The following NUP37 variants were observed in gnomAD, a reference collection of about 807,000 sequenced individuals.
NUP37 encodes the protein nucleoporin Nup37.
A neutral mutation model predicts 45.4 loss-of-function variants in NUP37; 33 were observed. That is an observed-to-expected ratio of 0.73 (90% confidence interval 0.55 to 0.97). The LOEUF is 0.97. Among genes scored for constraint, NUP37 ranks in the 50% least tolerant of loss-of-function variants. The pLI, the probability that NUP37 is intolerant of heterozygous loss-of-function variation, is 0.00. For missense variants in NUP37, 365 were observed against 389.7 expected, an observed-to-expected ratio of 0.94 and a Z score of 0.53; for synonymous variants, 127 against 130.7, an observed-to-expected ratio of 0.97 and a Z score of 0.19.
intron 2 of NUP37, among the ~76,000 whole-genome samples, chr12:102,116,803 C>A (rs1457014121): frequency 6.6e-6 from 1 of 151,594 alleles, no homozygotes; most frequent in African/African-American, 2.4e-5. Context: ...AGTTCAAGAC[C>A]AGCCTGACCA....
intron 5 of NUP37, among the ~76,000 whole-genome samples, chr12:102,091,048 C>A (rs1042347047): frequency 6.6e-6 from 1 of 151,984 alleles, no homozygotes; most frequent in Non-Finnish European, 1.5e-5. Flanking sequence ...CAGTTATAAC[C>A]ACAGAAGCAC....
chr12:102,078,996 C>T (rs1339169608), intron 6 of NUP37: 1 of 248,258 alleles, frequency 4.0e-6, no homozygotes, highest in Non-Finnish European at 8.1e-6. Flanking sequence ...TATCTAAGTG[C>T]ATGAGTAGTT....
intron 3 of NUP37, among the ~76,000 whole-genome samples, chr12:102,109,212 G>A (rs901193687): frequency 4.6e-5 from 7 of 152,050 alleles, no homozygotes; most frequent in Admixed American, 6.6e-5. Context: ...TAGCCACTAC[G>A]CAAGAAAAGC....
chr12:102,093,403 A>G (rs1304141050), intron 5 of NUP37, among the ~76,000 whole-genome samples: 1 of 152,092 alleles, frequency 6.6e-6, no homozygotes, highest in Non-Finnish European at 1.5e-5. Flanking sequence ...TTAACATCTC[A>G]TTTAACTTAT....
chr12:102,082,531 T>C (rs575081129), intron 6 of NUP37, among the ~76,000 whole-genome samples: 1 of 152,340 alleles, frequency 6.6e-6, no homozygotes, highest in South Asian at 2.1e-4. Flanking sequence ...TTAAAGGATT[T>C]TACACGTTAG....
Position 102,074,359 on chromosome 12 carries a change from C to G in NUP37, c.976G>C (p.Val326Leu). The G allele has an allele frequency of 1.9e-6, 3 of 1,599,614 alleles. No homozygotes were observed. The highest frequency in any genetic ancestry group is 2.6e-6 in the Non-Finnish European group (3 of 1,168,496). ...TCTAAGGTACAGAAAACACTTTATA[C>G]TTCAGTCACCCAAAACAACAGCTTG... ...DHKLLFWVTEV is the reference protein window; with the variant it reads ...DHKLLFWVTEL Residue 326 changes from valine (V) to leucine (L), a missense_variant, in exon 10 of 10, where the codon GTA becomes CTA. Coordinates refer to ENST00000552283, the MANE Select transcript of NUP37 (RefSeq NM_024057.4).
intron 4 of NUP37, 37 bp downstream of exon 4, chr12:102,100,995 A>C (rs908001108): frequency 2.3e-6 from 3 of 1,295,452 alleles, no homozygotes; most frequent in Non-Finnish European, 3.2e-6. Flanking sequence ...ACACGTTTTA[A>C]AATAAGCTCT....
intron 6 of NUP37, among the ~76,000 whole-genome samples, chr12:102,085,344 C>T (rs1350741791): frequency 6.6e-6 from 1 of 152,094 alleles, no homozygotes; most frequent in East Asian, 1.9e-4. Context: ...ATCACTTGAG[C>T]CTGGGAGGCG....
intron 8 of NUP37, among the ~76,000 whole-genome samples, chr12:102,075,411 G>A (rs1879140950): frequency 6.6e-6 from 1 of 151,942 alleles, no homozygotes; most frequent in African/African-American, 2.4e-5. Flanking sequence ...CAAACTCCTG[G>A]CCTCAAGTGA....
intron 6 of NUP37, among the ~76,000 whole-genome samples, chr12:102,080,940 A>G (rs1298055769): frequency 6.6e-6 from 1 of 152,226 alleles, no homozygotes; most frequent in African/African-American, 2.4e-5. Flanking sequence ...GGCTAAGTCT[A>G]CCTGAGCCTG....
At chr12:102,084,260 G>C (rs1879407728) in intron 6 of NUP37, among the ~76,000 whole-genome samples, 1 of 152,190 alleles carries the variant, frequency 6.6e-6, no homozygotes, top group Admixed American at 6.5e-5. Flanking sequence ...GCTGACTATA[G>C]GCCTGGCGTA....
chr12:102,108,152 G>A (rs576777279), intron 3 of NUP37, among the ~76,000 whole-genome samples: 2 of 152,284 alleles, frequency 1.3e-5, no homozygotes, highest in South Asian at 4.1e-4. Flanking sequence ...ATCTGAGTCA[G>A]TGGAGTGGGA....
At position 102,093,968 on chromosome 12, in the gene NUP37, G is replaced by C. The variant is rs899930631; in HGVS notation, c.449+5138C>G. 2.6e-5 allele frequency among the ~76,000 whole-genome samples: 4 copies of C among 152,198 alleles called. No individual in the cohort carries two copies. In the East Asian group the frequency reaches 7.7e-4, roughly 29 times the overall value. ...CTAGAGAGTGATTTTACCAGTAAAT[G>C]ATCATGTCAAGTTTTAGAAAATGTT... On this transcript the variant is annotated intron_variant, in intron 5 of 9. Transcript: ENST00000552283.
intron 2 of NUP37, among the ~76,000 whole-genome samples, chr12:102,117,375 G>A (rs765234824): frequency 1.1e-4 from 16 of 152,004 alleles, no homozygotes; most frequent in Non-Finnish European, 1.9e-4. Context: ...AACTGAACCC[G>A]GGAGATGAAG....
chr12:102,106,491 G>A (rs1880160078), intron 3 of NUP37, among the ~76,000 whole-genome samples: 1 of 151,816 alleles, frequency 6.6e-6, no homozygotes, highest in Non-Finnish European at 1.5e-5. Context: ...AAAAACTCAG[G>A]GCTCAGTTTC....
At chr12:102,111,714 C>T (rs1880321101) in intron 3 of NUP37, among the ~76,000 whole-genome samples, 2 of 152,182 alleles carry the variant, frequency 1.3e-5, no homozygotes, top group Admixed American at 6.5e-5. Context: ...GATTTATATA[C>T]TGTTGGACAA....
intron 7 of NUP37, 111 bp downstream of exon 7, chr12:102,077,211 G>C (rs1879195105): frequency 3.6e-6 from 4 of 1,110,726 alleles, no homozygotes; most frequent in Non-Finnish European, 5.4e-6. Context: ...GGAAAGACTT[G>C]CTTTCGCTTG....
chr12:102,088,444 C>CA (rs1012777932), intron 5 of NUP37, among the ~76,000 whole-genome samples: 1 of 152,038 alleles, frequency 6.6e-6, no homozygotes, highest in African/African-American at 2.4e-5. Flanking sequence ...AATCAAGAAA[C>CA]AGAGTATTTC....
chr12:102,085,663 T>C, intron 6 of NUP37, 103 bp downstream of exon 6: 1 of 549,476 alleles, frequency 1.8e-6, no homozygotes, highest in Non-Finnish European at 3.2e-6. Context: ...CTAGTATCTC[T>C]GAGATGGGAA....
Sources: allele counts gnomAD v4.1 joint callset (sites outside exome capture counted in the v4.1 genomes callset), GRCh38; gene constraint gnomAD v4.1.1; transcripts MANE v1.5; gene names NCBI Gene and HGNC (gene_info 2026-07-23, HGNC 2026-07-21).